Variants in CFAP20DC observed in about 807,000 individuals in gnomAD.
CFAP20DC encodes the protein protein CFAP20DC.
A neutral mutation model predicts 101.7 loss-of-function variants in CFAP20DC; 84 were observed. The observed-to-expected ratio is 0.83, with a 90% CI of 0.69 to 0.99. CFAP20DC has a LOEUF of 0.99. CFAP20DC is among the 50% of genes least tolerant of loss of function. The pLI is 0.00. For synonymous variants in CFAP20DC, 359 were observed against 351.2 expected (o/e 1.02, Z -0.25); for missense variants, 1,007 against 970.3 (o/e 1.04, Z -0.50).
intron 15 of CFAP20DC, among the ~76,000 whole-genome samples, chr3:58,755,680 G>C (rs1226067194): frequency 6.6e-6 from 1 of 152,052 alleles, no homozygotes; most frequent in African/African-American, 2.4e-5. Flanking sequence ...TTCTTTTTGT[G>C]ATTAAAAAAA....
rs539511383 is a variant in CFAP20DC, at chr3:58,931,359, A to C, written c.393+6289T>G. On this transcript the variant is annotated intron_variant, in intron 5 of 16. Transcript: ENST00000482387. ...TTGGGGGCAGGGCACAGACAAACAA[A>C]AAGACAGCAGTAACCTCTGCAGACT... 1.6e-3 allele frequency among the ~76,000 whole-genome samples: 248 copies of C among 152,312 alleles called. 1 individual carries two copies. Among genetic ancestry groups the C allele is most frequent in the Admixed American group, 2.5e-3 (39 of 15,300 alleles).
intron 14 of CFAP20DC, among the ~76,000 whole-genome samples, chr3:58,822,118 G>T (rs1213817791): frequency 7.9e-6 from 1 of 126,876 alleles, no homozygotes; most frequent in African/African-American, 3.1e-5. Context: ...ACACAGGAAG[G>T]GGAATATCAT....
intron 7 of CFAP20DC, among the ~76,000 whole-genome samples, chr3:58,878,107 G>C (rs1163193942): frequency 1.3e-5 from 2 of 152,134 alleles, no homozygotes; most frequent in East Asian, 3.8e-4. Flanking sequence ...AACTTTCTTA[G>C]ACCTGTTGGA....
chr3:58,955,652 C>T (rs2090559120), intron 4 of CFAP20DC, among the ~76,000 whole-genome samples: 1 of 152,056 alleles, frequency 6.6e-6, no homozygotes, highest in African/African-American at 2.4e-5. Flanking sequence ...AAGTCTGCAA[C>T]TCCTAGGCAA....
intron 15 of CFAP20DC, among the ~76,000 whole-genome samples, chr3:58,757,806 T>G (rs1448639417): frequency 2.0e-5 from 3 of 152,154 alleles, no homozygotes; most frequent in African/African-American, 7.2e-5. Flanking sequence ...AACACAGATT[T>G]AGAAGATTTT....
intron 15 of CFAP20DC, 152 bp downstream of exon 15, chr3:58,806,243 C>T: frequency 3.2e-6 from 2 of 617,470 alleles, no homozygotes; most frequent in Non-Finnish European, 5.7e-6. Context: ...TTCTAAAGTC[C>T]AAAGAAGACA....
chr3:58,907,446 G>A (rs1045165142), intron 6 of CFAP20DC, among the ~76,000 whole-genome samples: 2 of 152,152 alleles, frequency 1.3e-5, no homozygotes, highest in Admixed American at 6.5e-5. Context: ...GCATCATCCC[G>A]GGGTCTGGTG....
chr3:58,949,073 G>T (rs1207385677), intron 4 of CFAP20DC, among the ~76,000 whole-genome samples: 1 of 152,132 alleles, frequency 6.6e-6, no homozygotes, highest in Non-Finnish European at 1.5e-5. Flanking sequence ...TAGTTTATTT[G>T]CGTAGAGGTG....
intron 13 of CFAP20DC, among the ~76,000 whole-genome samples, chr3:58,838,149 T>C (rs2076864512): frequency 6.6e-6 from 1 of 152,202 alleles, no homozygotes; most frequent in African/African-American, 2.4e-5. Context: ...TGGTAGCTTT[T>C]AGCACGTGTC....
At chr3:58,789,656 G>A (rs1395794571) in intron 15 of CFAP20DC, among the ~76,000 whole-genome samples, 1 of 152,104 alleles carries the variant, frequency 6.6e-6, no homozygotes, top group Admixed American at 6.5e-5. Flanking sequence ...TGTGTTAATT[G>A]TAACACTTCA....
In CFAP20DC at chr3:58,897,149, CT is replaced by C. The variant is rs1559787485; in HGVS notation, c.551-12441del. 6.6e-6 allele frequency among the ~76,000 whole-genome samples: 1 copy of C among 152,100 alleles called. No homozygotes were observed. Among genetic ancestry groups the C allele is most frequent in the Non-Finnish European group, 1.5e-5 (1 of 68,016 alleles). ...ACCACTACATAATGCCCTTCTTTGT[CT>C]TTTTTGATATTTGTTGGTTTAAAGT... On this transcript the variant is annotated intron_variant, in intron 6 of 16. Coordinates refer to ENST00000482387, the MANE Select transcript of CFAP20DC (RefSeq NM_001394063.1). The surrounding 1 kb of genome is among the most constrained non-coding windows in gnomAD (Gnocchi z 4.4).
intron 4 of CFAP20DC, among the ~76,000 whole-genome samples, chr3:59,000,194 A>ATT (rs1207957386): frequency 6.6e-6 from 1 of 152,152 alleles, no homozygotes; most frequent in East Asian, 1.9e-4. Flanking sequence ...GTATATTCTC[A>ATT]TTGCAATGCT....
At chr3:58,883,315 C>G (rs1369977378) in intron 7 of CFAP20DC, among the ~76,000 whole-genome samples, 1 of 152,196 alleles carries the variant, frequency 6.6e-6, no homozygotes. Flanking sequence ...GCTCCTTAAT[C>G]TCTGCTATCA....
In CFAP20DC at chr3:58,730,005, C is replaced by T. The variant is rs147683074; in HGVS notation, c.198-12377G>A. 1.2e-4 allele frequency among the ~76,000 whole-genome samples: 16 copies of T among 131,602 alleles called. No individual in the cohort carries two copies. The East Asian group carries it at 1.7e-3, about 14-fold the overall frequency. The allele number at this position is 131,602 out of a possible 152,430, so 86.3% of individuals were successfully genotyped here. A position where few individuals can be genotyped will look rare whatever the true frequency, so the allele number is the denominator to read the frequency against. ...TGCATTCCAGCCTGGGCAATGAGAG[C>T]GAAACCTGTCTCCAAAAAAAAAAAA... On this transcript the variant is annotated intron_variant, in intron 3 of 3. Coordinates refer to the CFAP20DC transcript ENST00000486145.
At chr3:59,033,436 G>A (rs1030314110) in intron 4 of CFAP20DC, among the ~76,000 whole-genome samples, 2 of 152,124 alleles carry the variant, frequency 1.3e-5, no homozygotes, top group African/African-American at 2.4e-5. Context: ...CCAATGCAAG[G>A]AAGCTAAGAA....
At chr3:58,852,037 C>T (rs563543806) in intron 12 of CFAP20DC, among the ~76,000 whole-genome samples, 2 of 152,228 alleles carry the variant, frequency 1.3e-5, no homozygotes, top group South Asian at 4.1e-4. Flanking sequence ...AGCAAAATGC[C>T]TTGACCAATG....
intron 6 of CFAP20DC, among the ~76,000 whole-genome samples, chr3:58,890,451 G>A (rs549484649): frequency 4.3e-5 from 4 of 93,478 alleles, no homozygotes; most frequent in Admixed American, 1.1e-4. Flanking sequence ...CCCCCCCCAC[G>A]TCCCTCCCGG....
At chr3:58,756,658 C>T (rs1168027649) in intron 15 of CFAP20DC, among the ~76,000 whole-genome samples, 1 of 151,970 alleles carries the variant, frequency 6.6e-6, no homozygotes, top group African/African-American at 2.4e-5. Flanking sequence ...CTGTTTGTTC[C>T]CATCCCCTCA....
intron 15 of CFAP20DC, chr3:58,794,285 C>A (rs1256730266): frequency 2.2e-6 from 1 of 449,442 alleles, no homozygotes; most frequent in South Asian, 1.6e-5. Flanking sequence ...TCCTGAGCAC[C>A]AAATTGCATC....
Sources: gnomAD v4.1 joint callset for allele counts (sites outside exome capture counted in the v4.1 genomes callset) on GRCh38, gnomAD v4.1.1 for gene constraint, Gnocchi (gnomAD v3.1) non-coding constraint, MANE v1.5 for transcripts, NCBI Gene and HGNC (gene_info 2026-07-23, HGNC 2026-07-21) for gene names.